The following WWTR1 variants were observed in gnomAD, a reference collection of about 807,000 sequenced individuals.
WWTR1 encodes WW domain-containing transcription regulator protein 1.
WWTR1 carries 13 observed loss-of-function variants against 40.1 expected under a neutral mutation model. The observed-to-expected ratio is 0.32, with a 90% CI of 0.21 to 0.52. The LOEUF is 0.52. Among genes scored for constraint, WWTR1 ranks in the 20% least tolerant of loss-of-function variants. WWTR1 has a pLI of 0.97. For synonymous variants in WWTR1, 230 were observed against 210.1 expected, an observed-to-expected ratio of 1.09 and a Z score of -0.82; for missense variants, 436 against 523.1, an observed-to-expected ratio of 0.83 and a Z score of 1.63.
upstream of WWTR1, among the ~76,000 whole-genome samples, chr3:149,707,622 G>A (rs1245341651): frequency 1.3e-5 from 2 of 152,224 alleles, no homozygotes; most frequent in East Asian, 3.9e-4. Flanking sequence ...GAGGGCCTCT[G>A]ATATATTCAT....
chr3:149,714,917 C>G (rs1414573763), intron 5 of WWTR1, among the ~76,000 whole-genome samples: 3 of 152,042 alleles, frequency 2.0e-5, no homozygotes, highest in Non-Finnish European at 2.9e-5. Flanking sequence ...GACAGGGAGA[C>G]AAGGTGATGA....
chr3:149,602,483 G>A (rs1205164392), intron 2 of WWTR1, among the ~76,000 whole-genome samples: 1 of 152,104 alleles, frequency 6.6e-6, no homozygotes, highest in Non-Finnish European at 1.5e-5. Flanking sequence ...AAATACTTGG[G>A]GACATTCCGA....
At chr3:149,701,376 C>T (rs56268728) in intron 1 of WWTR1, among the ~76,000 whole-genome samples, 10,267 of 152,124 alleles carry the variant, frequency 0.067, 408 homozygotes, top group Non-Finnish European at 0.075. Context: ...CCATGTATCA[C>T]GTGGAGTTGC....
chr3:149,614,762 C>T (rs1275120562), intron 2 of WWTR1, among the ~76,000 whole-genome samples: 3 of 152,118 alleles, frequency 2.0e-5, no homozygotes, highest in Non-Finnish European at 4.4e-5. Flanking sequence ...GTGAGTGGAT[C>T]ACTTGAGGTC....
At chr3:149,679,228 G>T (rs967514475) in intron 1 of WWTR1, among the ~76,000 whole-genome samples, 1 of 152,196 alleles carries the variant, frequency 6.6e-6, no homozygotes. Flanking sequence ...TTGGGTTGGC[G>T]ATGAGCATTT....
At chr3:149,663,671 G>A (rs1334411637) in intron 2 of WWTR1, among the ~76,000 whole-genome samples, 2 of 152,140 alleles carry the variant, frequency 1.3e-5, no homozygotes, top group Non-Finnish European at 2.9e-5. Flanking sequence ...ACTCCAGCCT[G>A]TGCAACAGAG....
chr3:149,547,929 A>G (rs2107948646), intron 3 of WWTR1, among the ~76,000 whole-genome samples: 1 of 148,304 alleles, frequency 6.7e-6, no homozygotes, highest in Non-Finnish European at 1.5e-5. Flanking sequence ...GCATTATTCA[A>G]TATAAAGGAA....
chr3:149,539,826 G>A (rs1736004339), intron 4 of WWTR1, among the ~76,000 whole-genome samples: 1 of 151,854 alleles, frequency 6.6e-6, no homozygotes. Context: ...GAAACACAGA[G>A]CCCACACCTG....
chr3:149,531,229 C>A (rs1735566810), intron 4 of WWTR1, among the ~76,000 whole-genome samples: 1 of 152,150 alleles, frequency 6.6e-6, no homozygotes, highest in Non-Finnish European at 1.5e-5. Context: ...GCCACTGCAC[C>A]CGGCCTGAAT....
At chr3:149,543,300 C>T (rs1171350515) in intron 3 of WWTR1, among the ~76,000 whole-genome samples, 2 of 152,206 alleles carry the variant, frequency 1.3e-5, no homozygotes, top group Admixed American at 1.3e-4. Context: ...CTTCACTTTA[C>T]GGCCAGGAGC....
At chr3:149,548,968 G>A (rs1020311430) in intron 3 of WWTR1, among the ~76,000 whole-genome samples, 1 of 152,264 alleles carries the variant, frequency 6.6e-6, no homozygotes, top group South Asian at 2.1e-4. Flanking sequence ...AACAATAATA[G>A]GGAGTTTTCA....
At chr3:149,617,519 G>C (rs1040480221) in intron 2 of WWTR1, among the ~76,000 whole-genome samples, 10 of 152,182 alleles carry the variant, frequency 6.6e-5, no homozygotes, top group African/African-American at 2.4e-5. Flanking sequence ...CATAAATCAG[G>C]CCAGGCGCAG....
intron 3 of WWTR1, 53 bp downstream of exon 3, chr3:149,572,811 A>G (rs1737701714): frequency 6.3e-7 from 1 of 1,587,042 alleles, no homozygotes; most frequent in African/African-American, 1.4e-5. Context: ...GGGAGACCCC[A>G]ACTCTACAAA....
chr3:149,664,127 G>C (rs1346809979), intron 2 of WWTR1, among the ~76,000 whole-genome samples: 1 of 152,256 alleles, frequency 6.6e-6, no homozygotes, highest in Non-Finnish European at 1.5e-5. Flanking sequence ...ACTTGGTGGG[G>C]TGGCTAAGTT....
intron 3 of WWTR1, among the ~76,000 whole-genome samples, chr3:149,567,806 TA>T (rs1737402938): frequency 6.6e-6 from 1 of 152,160 alleles, no homozygotes; most frequent in South Asian, 2.1e-4. Context: ...AGAGGTTAAA[TA>T]ACCCAATACA....
chr3:149,636,321 C>T lies in WWTR1; in HGVS notation c.431+20555G>A, dbSNP rs189586750. Among the ~76,000 whole-genome samples the T allele has an allele frequency of 3.6e-3, 552 of 152,304 alleles. 1 individual carries two copies. Among genetic ancestry groups the T allele is most frequent in the Non-Finnish European group, 5.5e-3 (371 of 68,034 alleles). The stretch of plus-strand genomic sequence containing the variant: ...TTGTGTCCTGAAAAGTCCTTTGAAA[C>T]CCAAACAGCCTACTCTACCTCTTCA... On this transcript the variant is annotated intron_variant, in intron 2 of 6. Coordinates refer to ENST00000360632, the MANE Select transcript of WWTR1 (RefSeq NM_015472.6).
At chr3:149,559,540 T>A (rs1487353915) in intron 3 of WWTR1, among the ~76,000 whole-genome samples, 1 of 152,150 alleles carries the variant, frequency 6.6e-6, no homozygotes, top group Non-Finnish European at 1.5e-5. Context: ...TTCCTTAGAC[T>A]AAACTTGAAA....
chr3:149,580,701 C>T (rs781087460), intron 2 of WWTR1, among the ~76,000 whole-genome samples: 2 of 152,218 alleles, frequency 1.3e-5, no homozygotes, highest in Non-Finnish European at 2.9e-5. Context: ...GCAGCCTCTG[C>T]CTTCCGGTTC....
intron 6 of WWTR1, among the ~76,000 whole-genome samples, chr3:149,524,008 T>C (rs1237668999): frequency 6.6e-6 from 1 of 152,232 alleles, no homozygotes; most frequent in Non-Finnish European, 1.5e-5. Flanking sequence ...ATTGTATGTA[T>C]GACATCAGTC....
Sources: allele counts gnomAD v4.1 joint callset (sites outside exome capture counted in the v4.1 genomes callset), GRCh38; gene constraint gnomAD v4.1.1; transcripts MANE v1.5; gene names NCBI Gene and HGNC (gene_info 2026-07-23, HGNC 2026-07-21).